The following AMPH variants were observed in gnomAD, a reference collection of about 807,000 sequenced individuals.
AMPH encodes the protein amphiphysin (Stiff-Mann syndrome with breast cancer 128kD autoantigen).
Under a neutral mutation model 99.1 loss-of-function variants are expected in AMPH, and 49 were observed. The observed-to-expected ratio is 0.49, with a 90% CI of 0.39 to 0.63. The LOEUF is 0.63. Among genes scored for constraint, AMPH ranks in the 20% least tolerant of loss-of-function variants. The pLI is 0.00. For missense variants in AMPH, 759 were observed against 863.4 expected, an observed-to-expected ratio of 0.88 and a Z score of 1.52; for synonymous variants, 314 against 317.3, an observed-to-expected ratio of 0.99 and a Z score of 0.11.
intron 7 of AMPH, among the ~76,000 whole-genome samples, chr7:38,470,004 A>G (rs1351952279): frequency 6.6e-6 from 1 of 152,034 alleles, no homozygotes; most frequent in Non-Finnish European, 1.5e-5. Flanking sequence ...TGTGAGATCA[A>G]TGCACTTTTC....
intron 11 of AMPH, among the ~76,000 whole-genome samples, chr7:38,444,201 T>G (rs1326052276): frequency 6.6e-6 from 1 of 152,126 alleles, no homozygotes; most frequent in Non-Finnish European, 1.5e-5. Context: ...AAGGGAGAGA[T>G]ATACTGCGTC....
At chr7:38,479,837 G>A (rs1788224273) in intron 5 of AMPH, among the ~76,000 whole-genome samples, 1 of 151,822 alleles carries the variant, frequency 6.6e-6, no homozygotes, top group Non-Finnish European at 1.5e-5. Context: ...AAATAAATGA[G>A]AAAAATGTAA....
chr7:38,391,258 T>C (rs1784485131), intron 19 of AMPH, among the ~76,000 whole-genome samples: 1 of 152,194 alleles, frequency 6.6e-6, no homozygotes, highest in Non-Finnish European at 1.5e-5. Flanking sequence ...CCGCCTTTTT[T>C]TTCTGCCTTT....
chr7:38,482,660 C>A lies in AMPH; in HGVS notation c.397-5691G>T, dbSNP rs560901036. Among the ~76,000 whole-genome samples the A allele has an allele frequency of 1.8e-4, 27 of 152,162 alleles. No individual in the cohort carries two copies. In the South Asian group the frequency reaches 5.2e-3, roughly 29 times the overall value. On this transcript the variant is annotated intron_variant, in intron 5 of 20. Transcript: ENST00000356264. Reference sequence around the variant, plus strand: ...GTTTTTGTTCCTGAAACTCAAAAAACTTTCAGATGTTTGCTTCTCTAGTTA... The same window carrying A: ...GTTTTTGTTCCTGAAACTCAAAAAAATTTCAGATGTTTGCTTCTCTAGTTA...
At chr7:38,490,992 T>C in intron 5 of AMPH, 58 bp downstream of exon 5, 1 of 1,110,166 alleles carries the variant, frequency 9.0e-7, no homozygotes, top group Non-Finnish European at 1.3e-6. Context: ...CTTGCCCATG[T>C]TTCAATAACT....
intron 1 of AMPH, among the ~76,000 whole-genome samples, chr7:38,625,270 C>T (rs1033395179): frequency 3.9e-5 from 6 of 152,156 alleles, no homozygotes; most frequent in African/African-American, 1.2e-4. Context: ...AGGATATCTC[C>T]AGGATGAGAA....
intron 17 of AMPH, among the ~76,000 whole-genome samples, chr7:38,400,975 C>G (rs957412202): frequency 2.0e-5 from 3 of 151,924 alleles, no homozygotes; most frequent in South Asian, 2.1e-4. Flanking sequence ...TTTATGGTAA[C>G]ATTTTGATAT....
chr7:38,384,684 G>T lies in AMPH; in HGVS notation c.*134C>A. 1.4e-6 allele frequency: 1 copy of T among 728,378 alleles called. No individual in the cohort carries two copies. Among genetic ancestry groups the T allele is most frequent in the East Asian group, 2.5e-5 (1 of 39,690 alleles). 45.1% of individuals were successfully genotyped at this position (728,378 alleles called of 1,614,324 possible). A position where few individuals can be genotyped will look rare whatever the true frequency, so the allele number is the denominator to read the frequency against. ...CATTTTTTTGCACACATGCTCCATT[G>T]ATACATCTTCCCAAGGTTTGTCTGG... On this transcript the variant is annotated 3_prime_UTR_variant, in exon 21 of 21. Coordinates refer to ENST00000356264, the MANE Select transcript of AMPH (RefSeq NM_001635.4).
chr7:38,388,430 T>G (rs1013192574), intron 20 of AMPH, among the ~76,000 whole-genome samples: 12 of 152,070 alleles, frequency 7.9e-5, no homozygotes, highest in African/African-American at 2.7e-4. Context: ...CTTTATCAAT[T>G]TTATCTGTTA....
chr7:38,494,189 C>T (rs1260318024), intron 4 of AMPH, among the ~76,000 whole-genome samples: 3 of 152,306 alleles, frequency 2.0e-5, no homozygotes, highest in Middle Eastern at 3.4e-3. Flanking sequence ...GAACTCCTGA[C>T]CTCAGGCAAT....
chr7:38,570,625 T>C (rs1188005691), intron 1 of AMPH, among the ~76,000 whole-genome samples: 2 of 151,944 alleles, frequency 1.3e-5, no homozygotes, highest in African/African-American at 2.4e-5. Context: ...CAGAACATAA[T>C]GATAGTGATA....
intron 1 of AMPH, among the ~76,000 whole-genome samples, chr7:38,616,182 C>A (rs1264111207): frequency 6.6e-6 from 1 of 152,138 alleles, no homozygotes; most frequent in Non-Finnish European, 1.5e-5. Flanking sequence ...AAAATGGTGA[C>A]CACTCCCCCA....
chr7:38,561,711 G>A (rs1339613977), intron 1 of AMPH, among the ~76,000 whole-genome samples: 1 of 152,194 alleles, frequency 6.6e-6, no homozygotes, highest in Non-Finnish European at 1.5e-5. Context: ...GGTACTTGGA[G>A]ATGGGGCCTC....
chr7:38,568,765 TGCCCA>T (rs1376255112), intron 1 of AMPH, among the ~76,000 whole-genome samples: 1 of 152,126 alleles, frequency 6.6e-6, no homozygotes, highest in Non-Finnish European at 1.5e-5. Flanking sequence ...CCACACCTTG[TGCCCA>T]GCAGCAAGAC....
In AMPH at chr7:38,463,107, C is replaced by G. The variant is rs374769880; in HGVS notation, c.756G>C (p.Ser252=). ...GTGTCTTTGCAATGCGGAGAGGACC[C>G]GAATCACTAGAGGAACACAGGGGAT... The part of the protein sequence containing the change: ...AFTIQGAPSD[S]GPLRIAKTPS... Residue 252 remains serine, a synonymous_variant, in exon 10 of 21, where the codon TCG becomes TCC. Transcript: ENST00000356264. 3 of 1,613,472 alleles carry G rather than the reference C, an allele frequency of 1.9e-6. No individual in the cohort carries two copies. Among genetic ancestry groups the G allele is most frequent in the East Asian group, 4.5e-5 (2 of 44,874 alleles).
chr7:38,534,118 G>A (rs181200570), intron 2 of AMPH, among the ~76,000 whole-genome samples: 24 of 151,644 alleles, frequency 1.6e-4, no homozygotes, highest in South Asian at 4.2e-4. Flanking sequence ...TTTTAATACC[G>A]TAAGTATACT....
chr7:38,392,450 G>A (rs1202731997), intron 18 of AMPH, among the ~76,000 whole-genome samples: 1 of 128,456 alleles, frequency 7.8e-6, no homozygotes, highest in Non-Finnish European at 1.6e-5. Context: ...GCAATGACGC[G>A]ATCTCAGCCC....
At chr7:38,609,745 T>C (rs1052907271) in intron 1 of AMPH, among the ~76,000 whole-genome samples, 1 of 65,168 alleles carries the variant, frequency 1.5e-5, no homozygotes, top group South Asian at 3.0e-4. Flanking sequence ...CCCTGGGTAA[T>C]AGATTGCAGG....
intron 1 of AMPH, among the ~76,000 whole-genome samples, chr7:38,605,407 A>G (rs141365094): frequency 1.5e-4 from 23 of 152,296 alleles, no homozygotes; most frequent in African/African-American, 5.3e-4. Context: ...CCCCTTTTTG[A>G]GAACCTTCAG....
Sources: allele counts gnomAD v4.1 joint callset (sites outside exome capture counted in the v4.1 genomes callset), GRCh38; gene constraint gnomAD v4.1.1; transcripts MANE v1.5; gene names NCBI Gene and HGNC (gene_info 2026-07-23, HGNC 2026-07-21).